The following IL7 variants were observed in gnomAD, a reference collection of about 807,000 sequenced individuals.
The protein encoded by IL7 is interleukin 7.
A neutral mutation model predicts 21.6 loss-of-function variants in IL7; 3 were observed. That is an observed-to-expected ratio of 0.14 (90% CI 0.06 to 0.36). The LOEUF is 0.36. Ranked by LOEUF, IL7 falls within the 10% of genes least tolerant of loss-of-function variation. The probability of loss-of-function intolerance (pLI) is 1.00; values close to 1 mark genes in which losing one functional copy is unlikely to be tolerated. For missense variants in IL7, 175 were observed against 200.2 expected, an observed-to-expected ratio of 0.87 and a Z score of 0.76; for synonymous variants, 62 against 68.1, an observed-to-expected ratio of 0.91 and a Z score of 0.44.
intron 1 of IL7, among the ~76,000 whole-genome samples, chr8:78,800,186 G>A (rs1275241466): frequency 1.3e-5 from 2 of 152,192 alleles, no homozygotes; most frequent in East Asian, 3.8e-4. Context: ...TTGACTTTCT[G>A]AGTCATTTCA....
chr8:78,683,808 T>C (rs1809866845), intron 4 of IL7, among the ~76,000 whole-genome samples: 1 of 152,200 alleles, frequency 6.6e-6, no homozygotes, highest in African/African-American at 2.4e-5. Flanking sequence ...TCCTCTTGAA[T>C]GCTTTGCTCC....
chr8:78,689,454 C>A (rs1018236895), intron 3 of IL7: 75 of 1,311,676 alleles, frequency 5.7e-5, no homozygotes, highest in Non-Finnish European at 7.3e-5. Flanking sequence ...CTTTTCATGA[C>A]ATTAGACTAT....
intron 3 of IL7, among the ~76,000 whole-genome samples, chr8:78,687,947 A>G (rs1810076632): frequency 1.4e-5 from 2 of 143,762 alleles, no homozygotes; most frequent in South Asian, 4.2e-4. Flanking sequence ...TTTTATATAT[A>G]AACTATATCT....
chr8:78,741,707 G>A (rs1327657316), intron 2 of IL7, among the ~76,000 whole-genome samples: 1 of 152,098 alleles, frequency 6.6e-6, no homozygotes, highest in Non-Finnish European at 1.5e-5. Flanking sequence ...TGCTTGATAT[G>A]GAATGTAAAT....
At chr8:78,768,457 G>A (rs1812834180) in intron 2 of IL7, among the ~76,000 whole-genome samples, 1 of 147,276 alleles carries the variant, frequency 6.8e-6, no homozygotes, top group South Asian at 2.2e-4. Flanking sequence ...TTTAATGATT[G>A]CCATTCTAAC....
intron 2 of IL7, among the ~76,000 whole-genome samples, chr8:78,773,490 C>G (rs965298222): frequency 2.6e-5 from 4 of 152,036 alleles, no homozygotes; most frequent in Admixed American, 2.0e-4. Context: ...AATGAGAAAA[C>G]AGCAAAGGCA....
chr8:78,756,152 A>C (rs1047441970), intron 2 of IL7, among the ~76,000 whole-genome samples: 5 of 151,970 alleles, frequency 3.3e-5, no homozygotes, highest in African/African-American at 1.2e-4. Flanking sequence ...GTGTATGTTG[A>C]ACCTTCTTTG....
chr8:78,738,580 T>G lies in IL7; in HGVS notation c.284A>C (p.Asn95Thr). ...ARKLRQFLKM[N>T]STGDFDLHLL... ...GTGGAGATCAAAATCACCAGTGCTA[T>G]TCATTTTAAGAAATTGCCTCAACTT... Residue 95 changes from asparagine to threonine, a missense_variant, in exon 4 of 6, where the codon AAT becomes ACT. Transcript: ENST00000263851. 2 of 1,613,632 alleles carry G rather than the reference T, an allele frequency of 1.2e-6. No individual in the cohort carries two copies. The highest frequency in any genetic ancestry group is 1.7e-6 in the Non-Finnish European group (2 of 1,179,600).
rs147248928 is a variant in IL7 at position 78,702,251 on chromosome 8, T to C, written n.215-16304A>G. On this transcript the variant is annotated intron_variant and non_coding_transcript_variant, in intron 3 of 4. Transcript: ENST00000523959. ...CATTTCTTCTAGATTTTCTAGTTTA[T>C]GTGTATTGAGGTATTCATAATATTC... Among the ~76,000 whole-genome samples the C allele has an allele frequency of 5.7e-3, 873 of 152,334 alleles. 8 individuals carry two copies. The highest frequency in any genetic ancestry group is 0.02 in the African/African-American group (818 of 41,578).
chr8:78,773,646 G>A (rs1037636216), intron 2 of IL7, among the ~76,000 whole-genome samples: 6 of 152,118 alleles, frequency 3.9e-5, no homozygotes, highest in Non-Finnish European at 8.8e-5. Flanking sequence ...CCCACATAAG[G>A]AATTAGTCCT....
intron 3 of IL7, among the ~76,000 whole-genome samples, chr8:78,723,114 T>TATATATATA (rs1563645665): frequency 6.8e-6 from 1 of 147,852 alleles, no homozygotes; most frequent in Non-Finnish European, 1.5e-5. Flanking sequence ...TATATATATA[T>TATATATATA]TTAGAAGCCA....
intron 3 of IL7, among the ~76,000 whole-genome samples, chr8:78,727,115 C>G (rs1811352825): frequency 6.6e-6 from 1 of 151,982 alleles, no homozygotes. Context: ...TCTGTCCATT[C>G]TCTGTTGTCT....
intron 2 of IL7, among the ~76,000 whole-genome samples, chr8:78,746,341 A>G (rs11780679): frequency 0.052 from 7,936 of 152,314 alleles, 294 homozygotes; most frequent in Middle Eastern, 0.088. Context: ...TAGAGGATCT[A>G]TTCCCAAGAT....
At chr8:78,797,657 T>C (rs1813905399) in intron 2 of IL7, among the ~76,000 whole-genome samples, 1 of 151,784 alleles carries the variant, frequency 6.6e-6, no homozygotes, top group Non-Finnish European at 1.5e-5. Flanking sequence ...TATAAATAAC[T>C]ATGCATCTAC....
chr8:78,743,838 G>T (rs949534314), intron 2 of IL7, among the ~76,000 whole-genome samples: 3 of 151,942 alleles, frequency 2.0e-5, no homozygotes, highest in African/African-American at 7.3e-5. Flanking sequence ...TTTTCCATAG[G>T]GCTGCTGTGG....
intron 2 of IL7, among the ~76,000 whole-genome samples, chr8:78,773,428 T>C (rs1374836395): frequency 6.6e-6 from 1 of 152,038 alleles, no homozygotes; most frequent in Non-Finnish European, 1.5e-5. Context: ...TGTCTTTAAA[T>C]TTGGGTGCGG....
chr8:78,727,462 G>A (rs1811358017), intron 3 of IL7, among the ~76,000 whole-genome samples: 1 of 151,996 alleles, frequency 6.6e-6, no homozygotes. Flanking sequence ...AGGTCATGTT[G>A]ACATTCCAAG....
At chr8:78,677,494 T>C (rs1231032317) in intron 4 of IL7, among the ~76,000 whole-genome samples, 2 of 152,196 alleles carry the variant, frequency 1.3e-5, no homozygotes, top group Non-Finnish European at 2.9e-5. Context: ...CCACCTGTCC[T>C]ATTATTTTGT....
chr8:78,675,179 A>G (rs989639490), downstream of IL7, among the ~76,000 whole-genome samples: 13 of 151,416 alleles, frequency 8.6e-5, no homozygotes, highest in Non-Finnish European at 1.9e-4. Context: ...TCTTTATTTA[A>G]TTTTGTTTGT....
Sources: allele counts gnomAD v4.1 joint callset (sites outside exome capture counted in the v4.1 genomes callset), GRCh38; gene constraint gnomAD v4.1.1; transcripts MANE v1.5; gene names NCBI Gene and HGNC (gene_info 2026-07-23, HGNC 2026-07-21).